NPLOC4: variants seen among roughly 807,000 people sequenced by gnomAD.
The protein encoded by NPLOC4 is NPL4 homolog, ubiquitin recognition factor.
Under a neutral mutation model 80.6 loss-of-function variants are expected in NPLOC4, and 18 were observed. The ratio of observed to expected loss-of-function variants is 0.22; its 90% CI spans 0.15 to 0.33. The LOEUF (loss-of-function observed/expected upper bound fraction) is 0.33. Ranked by LOEUF, NPLOC4 falls within the 10% of genes least tolerant of loss-of-function variation. NPLOC4 has a pLI of 1.00. For missense variants in NPLOC4, 540 were observed against 786.1 expected (o/e 0.69, Z 3.74); for synonymous variants, 313 against 301.5 (o/e 1.04, Z -0.39).
At chr17:81,624,555 G>A (rs750665584) in intron 2 of NPLOC4, among the ~76,000 whole-genome samples, 2 of 152,008 alleles carry the variant, frequency 1.3e-5, no homozygotes, top group Admixed American at 6.6e-5. Flanking sequence ...ATGAGATCAC[G>A]CCATTACACT....
At chr17:81,559,481 G>C in intron 16 of NPLOC4, 65 bp from the exon 17 acceptor site, 1 of 1,516,606 alleles carries the variant, frequency 6.6e-7, no homozygotes, top group South Asian at 1.3e-5. Context: ...CAGAGTGTGG[G>C]CATGGGGGCA....
chr17:81,594,688 T>C (rs983233960), intron 11 of NPLOC4, among the ~76,000 whole-genome samples: 4 of 151,904 alleles, frequency 2.6e-5, no homozygotes, highest in African/African-American at 7.3e-5. Context: ...GGCAGGAGAA[T>C]TGCGTGAACC....
intron 11 of NPLOC4, among the ~76,000 whole-genome samples, chr17:81,591,475 T>C (rs1048170672): frequency 1.2e-5 from 1 of 84,318 alleles, no homozygotes; most frequent in African/African-American, 3.7e-5. Flanking sequence ...AAAAAAAACC[T>C]GCTCTGGTGT....
chr17:81,599,619 CTGAGT>C (rs2035012682), intron 9 of NPLOC4, among the ~76,000 whole-genome samples: 1 of 152,118 alleles, frequency 6.6e-6, no homozygotes, highest in Non-Finnish European at 1.5e-5. Context: ...TTTTCATGGT[CTGAGT>C]TGATTAGGAA....
intron 11 of NPLOC4, among the ~76,000 whole-genome samples, chr17:81,594,998 G>A (rs1056946327): frequency 6.6e-6 from 1 of 151,824 alleles, no homozygotes; most frequent in African/African-American, 2.4e-5. Flanking sequence ...TCAAGAATAT[G>A]CAGCAAAGTG....
At chr17:81,630,689 G>A (rs1337877808) in intron 1 of NPLOC4, among the ~76,000 whole-genome samples, 1 of 151,904 alleles carries the variant, frequency 6.6e-6, no homozygotes, top group Non-Finnish European at 1.5e-5. Context: ...AAGACCAGTG[G>A]GCAACATGGG....
chr17:81,636,775 C>G, intron 1 of NPLOC4, 141 bp downstream of exon 1: 1 of 913,776 alleles, frequency 1.1e-6, no homozygotes, highest in Non-Finnish European at 1.4e-6. Context: ...AGGGGCCCAG[C>G]CACTACAGAG....
At chr17:81,623,124 G>A (rs73369290) in intron 2 of NPLOC4, among the ~76,000 whole-genome samples, 10,693 of 151,414 alleles carry the variant, frequency 0.071, 585 homozygotes, top group East Asian at 0.22. Context: ...AAGCTGGGAG[G>A]CAGAGGTTGC....
rs70938164 is a variant in NPLOC4 at position 81,631,436 on chromosome 17, ATTT to A, written c.16-1634_16-1632del. On this transcript the variant is annotated intron_variant, in intron 1 of 16. Transcript: ENST00000331134. The stretch of plus-strand genomic sequence containing the variant: ...TTAAAGTGTACATATATATATATAT[ATTT>A]TTTTTTTTTTTTTTTTTTTTTTTCC... Among the ~76,000 whole-genome samples the A allele has an allele frequency of 3.1e-3, 365 of 117,038 alleles. 10 individuals carry two copies. Among genetic ancestry groups the A allele is most frequent in the African/African-American group, 1.0e-2 (319 of 32,056 alleles). 76.8% of individuals were successfully genotyped at this position (117,038 alleles called of 152,430 possible). A position where few individuals can be genotyped will look rare whatever the true frequency, so the allele number is the denominator to read the frequency against.
Position 81,572,032 on chromosome 17 carries a change from C to T in NPLOC4, c.1338G>A (p.Glu446=). The T allele has an allele frequency of 6.2e-7, 1 of 1,605,384 alleles. No homozygotes were observed. The highest frequency in any genetic ancestry group is 8.5e-7 in the Non-Finnish European group (1 of 1,174,956). Residue 446 remains glutamate, a synonymous_variant, in exon 13 of 17, where the codon GAG becomes GAA. Transcript: ENST00000331134. The surrounding 1 kb of genome is among the most constrained non-coding windows in gnomAD (Gnocchi z 4.5). ...GGGCACTTACGTCTATGATGAGATA[C>T]TCCACAGGCAGGGGCCGGGCCAGCT... is the stretch of plus-strand genomic sequence containing the variant. The part of the protein sequence containing the change: ...ITQLARPLPV[E]YLIIDITTTF...
chr17:81,623,915 C>A (rs1001723338), intron 2 of NPLOC4, among the ~76,000 whole-genome samples: 3 of 152,164 alleles, frequency 2.0e-5, no homozygotes, highest in Non-Finnish European at 2.9e-5. Flanking sequence ...TTCACTCATT[C>A]CTTCAACAAA....
At chr17:81,623,329 A>G (rs1044318763) in intron 2 of NPLOC4, among the ~76,000 whole-genome samples, 2 of 151,624 alleles carry the variant, frequency 1.3e-5, no homozygotes, top group African/African-American at 4.8e-5. Context: ...TTAGCCAGGC[A>G]TGGTGGCGCA....
In NPLOC4 at chr17:81,578,295, C is replaced by G. The variant is rs148362945; in HGVS notation, c.1282-6207G>C. ...CAGCAGATTCCACTCCGCGTGGCTT[C>G]CTCTCACACACTCTAGTCTCAGCAC... On this transcript the variant is annotated intron_variant, in intron 12 of 16. Transcript: ENST00000331134. Among the ~76,000 whole-genome samples the G allele has an allele frequency of 5.5e-3, 836 of 152,228 alleles. 11 individuals are homozygous for G. The highest frequency in any genetic ancestry group is 0.019 in the African/African-American group (784 of 41,538).
chr17:81,635,231 T>G (rs1006429046), intron 1 of NPLOC4, among the ~76,000 whole-genome samples: 7 of 151,508 alleles, frequency 4.6e-5, no homozygotes, highest in Non-Finnish European at 1.0e-4. Context: ...CAACCCCAGC[T>G]ACTCGGCTGA....
At chr17:81,616,320 CAAA>C (rs56118520) in intron 3 of NPLOC4, among the ~76,000 whole-genome samples, 4 of 38,472 alleles carry the variant, frequency 1.0e-4, no homozygotes, top group Admixed American at 3.2e-4. Flanking sequence ...GACTCTGTCT[CAAA>C]AAAAAAAAAA....
rs145606780 is a variant in NPLOC4 at position 81,574,695 on chromosome 17, G to T, written c.1282-2607C>A. Reference sequence around the variant, plus strand: ...GTCTTGACACCAAGAGAAATCCAGGGATCGATGTCTTTGTTAGCTCAAAAG... The same window carrying T: ...GTCTTGACACCAAGAGAAATCCAGGTATCGATGTCTTTGTTAGCTCAAAAG... On this transcript the variant is annotated intron_variant, in intron 12 of 16. Transcript: ENST00000331134. Among the ~76,000 whole-genome samples the T allele has an allele frequency of 4.3e-3, 651 of 152,260 alleles. 5 individuals carry two copies. The highest frequency in any genetic ancestry group is 0.015 in the African/African-American group (634 of 41,532).
At chr17:81,635,822 C>T (rs986519342) in intron 1 of NPLOC4, among the ~76,000 whole-genome samples, 1 of 152,204 alleles carries the variant, frequency 6.6e-6, no homozygotes, top group African/African-American at 2.4e-5. Context: ...CCCAAATCTT[C>T]CTTAATATTA....
In NPLOC4 at chr17:81,589,087, C is replaced by T. The variant is rs1199341881; in HGVS notation, c.1138G>A (p.Val380Ile). ...AVATGGPDNQ[V>I]HFEGYQVSNQ... ...GACACCTGGTACCCTTCAAAGTGGA[C>T]TTGGTTGTCAGGACCACCTGCAAGA... is the stretch of plus-strand genomic sequence containing the variant. The change falls in exon 12 of 17, where the codon GTC becomes ATC. Residue 380 changes from valine to isoleucine, a missense_variant. Around this residue, in one of 6 missense-constraint regions of NPLOC4, gnomAD observed 251 missense variants for 377.5 expected, o/e 0.66. Transcript: ENST00000331134. The T allele has an allele frequency of 1.9e-6, 3 of 1,612,730 alleles. No homozygotes were observed. Among genetic ancestry groups the T allele is most frequent in the Non-Finnish European group, 2.5e-6 (3 of 1,179,398 alleles).
intron 2 of NPLOC4, among the ~76,000 whole-genome samples, chr17:81,627,566 T>G (rs1176464298): frequency 1.8e-4 from 27 of 151,428 alleles, no homozygotes; most frequent in East Asian, 9.9e-4. Flanking sequence ...ATGGTGAAAC[T>G]CCATCTCTAT....
Sources: gnomAD v4.1 joint callset for allele counts (sites outside exome capture counted in the v4.1 genomes callset) on GRCh38, gnomAD v4.1.1 for gene constraint, gnomAD v4.1.1 regional missense constraint, Gnocchi (gnomAD v3.1) non-coding constraint, MANE v1.5 for transcripts, NCBI Gene and HGNC (gene_info 2026-07-23, HGNC 2026-07-21) for gene names.